The following TNFRSF19 variants were observed in gnomAD, a reference collection of about 807,000 sequenced individuals.
TNFRSF19 encodes TNF receptor superfamily member 19, also known as tumor necrosis factor receptor superfamily member 19.
A neutral mutation model predicts 46.4 loss-of-function variants in TNFRSF19; 27 were observed. The ratio of observed to expected loss-of-function variants is 0.58; its 90% CI spans 0.43 to 0.80. The LOEUF (loss-of-function observed/expected upper bound fraction) is 0.80, where lower values mean the gene tolerates loss of function less well. TNFRSF19 is among the 30% of genes least tolerant of loss of function. The probability of loss-of-function intolerance (pLI) is 0.00; values close to 1 mark genes in which losing one functional copy is unlikely to be tolerated. For synonymous variants in TNFRSF19, 204 were observed against 205.0 expected (o/e 1.00, Z 0.04); for missense variants, 511 against 530.8 (o/e 0.96, Z 0.37).
At chr13:23,625,360 G>C (rs1242588064) in intron 4 of TNFRSF19, among the ~76,000 whole-genome samples, 1 of 92,640 alleles carries the variant, frequency 1.1e-5, no homozygotes, top group Non-Finnish European at 2.1e-5. Context: ...ACAGAGTCTT[G>C]CTCTTTTGCC....
intron 7 of TNFRSF19, among the ~76,000 whole-genome samples, chr13:23,666,912 AT>A (rs1951645170): frequency 1.3e-5 from 2 of 152,172 alleles, no homozygotes; most frequent in East Asian, 1.9e-4. Flanking sequence ...TAGTTTCATA[AT>A]TTTTTTCCTG....
chr13:23,615,676 T>A (rs1881228477), intron 3 of TNFRSF19, among the ~76,000 whole-genome samples, 191 bp from the exon 4 acceptor site: 1 of 152,220 alleles, frequency 6.6e-6, no homozygotes, highest in Admixed American at 6.5e-5. Context: ...GATGACTAAG[T>A]GGACTTACCA....
chr13:23,582,151 C>A (rs1279334474), intron 1 of TNFRSF19, among the ~76,000 whole-genome samples: 2 of 142,242 alleles, frequency 1.4e-5, no homozygotes, highest in Admixed American at 1.5e-4. Context: ...GAGGCCGAGG[C>A]GGGCGGATCA....
chr13:23,660,045 C>T (rs544038775), intron 6 of TNFRSF19, among the ~76,000 whole-genome samples: 1 of 152,174 alleles, frequency 6.6e-6, no homozygotes, highest in East Asian at 1.9e-4. Flanking sequence ...AAGTGACCTG[C>T]GCAGTTCAAA....
chr13:23,643,062 G>A lies in TNFRSF19; in HGVS notation c.446-15988G>A, dbSNP rs116998741. 9.3e-4 allele frequency among the ~76,000 whole-genome samples: 141 copies of A among 152,314 alleles called. 1 individual carries two copies. The highest frequency in any genetic ancestry group is 6.7e-3 in the East Asian group (35 of 5,192). On this transcript the variant is annotated intron_variant, in intron 5 of 9. Coordinates refer to ENST00000248484, the MANE Select transcript of TNFRSF19 (RefSeq NM_148957.4). Reference sequence around the variant, plus strand: ...CTTTGTAATTAATTGTTGATATTGCGTTCTTACCTTTAACCCTTCGATCCA... The same window carrying A: ...CTTTGTAATTAATTGTTGATATTGCATTCTTACCTTTAACCCTTCGATCCA...
rs959821529 is a variant in TNFRSF19, at chr13:23,674,957, A to G, written c.*1577A>G. The G allele has an allele frequency of 1.3e-5, 2 of 152,160 alleles. No individual in the cohort carries two copies. Among genetic ancestry groups the G allele is most frequent in the Non-Finnish European group, 1.5e-5 (1 of 68,036 alleles). 9.4% of individuals were successfully genotyped at this position (152,160 alleles called of 1,614,324 possible). ...GTTTACTAGCTTGCCTGTGTCTGGTACATCTCATGACCTCAATTCCCTCAC... is the reference window on the plus strand; with the variant it reads ...GTTTACTAGCTTGCCTGTGTCTGGTGCATCTCATGACCTCAATTCCCTCAC... On this transcript the variant is annotated 3_prime_UTR_variant, in exon 10 of 10. Coordinates refer to ENST00000248484, the MANE Select transcript of TNFRSF19 (RefSeq NM_148957.4).
Position 23,669,037 on chromosome 13 carries a change from A to G in TNFRSF19, c.1185A>G (p.Arg395=). 2 of 1,614,214 alleles carry G rather than the reference A, an allele frequency of 1.2e-6. No homozygotes were observed. Among genetic ancestry groups the G allele is most frequent in the South Asian group, 1.1e-5 (1 of 91,082 alleles). ...CAACTCAGGATGCACTAACTATGAG[A>G]AGCCAGCTAGATCAGGAGAGTGGTG... The part of the protein sequence containing the change: ...SASTQDALTM[R]SQLDQESGAV... The change falls in exon 9 of 10, where the codon AGA becomes AGG. Residue 395 remains arginine, a synonymous_variant. Coordinates refer to ENST00000248484, the MANE Select transcript of TNFRSF19 (RefSeq NM_148957.4).
At position 23,630,302 on chromosome 13, in the gene TNFRSF19, T is replaced by TAAAA. The variant is rs33960618; in HGVS notation, c.445+3529_445+3532dup. On this transcript the variant is annotated intron_variant, in intron 5 of 9. Transcript: ENST00000248484. ...TGAACAACAGAGTAAGACCCTGTCT[T>TAAAA]AAAAAAAAAAAAAAAAAAAAAAGGG... 8.8e-4 allele frequency among the ~76,000 whole-genome samples: 79 copies of TAAAA among 89,702 alleles called. 2 individuals carry two copies. In the East Asian group the frequency reaches 0.019, roughly 22 times the overall value. The allele number at this position is 89,702 out of a possible 152,430, so 58.8% of individuals were successfully genotyped here.
chr13:23,606,743 C>T (rs1404600199), intron 3 of TNFRSF19, among the ~76,000 whole-genome samples: 5 of 152,210 alleles, frequency 3.3e-5, no homozygotes, highest in Non-Finnish European at 1.5e-5. Context: ...TGCTCATGCT[C>T]TAACATACAA....
At chr13:23,602,247 A>G (rs2138213716) in intron 3 of TNFRSF19, among the ~76,000 whole-genome samples, 1 of 152,304 alleles carries the variant, frequency 6.6e-6, no homozygotes, top group South Asian at 2.1e-4. Context: ...CAGACTTCAA[A>G]GCAAAGACAG....
At chr13:23,601,576 A>C (rs1363079150) in intron 3 of TNFRSF19, among the ~76,000 whole-genome samples, 1 of 152,190 alleles carries the variant, frequency 6.6e-6, no homozygotes, top group African/African-American at 2.4e-5. Flanking sequence ...TAAAATAAAA[A>C]CTTTAATTTT....
intron 3 of TNFRSF19, among the ~76,000 whole-genome samples, chr13:23,599,708 A>AT (rs1401138901): frequency 1.3e-5 from 2 of 152,236 alleles, no homozygotes; most frequent in Non-Finnish European, 2.9e-5. Flanking sequence ...TATCATGCAG[A>AT]TGAAGCCTCC....
intron 5 of TNFRSF19, among the ~76,000 whole-genome samples, chr13:23,658,329 G>A (rs983608701): frequency 6.6e-6 from 1 of 152,150 alleles, no homozygotes; most frequent in African/African-American, 2.4e-5. Flanking sequence ...TCCAGTCAGT[G>A]TCTCAAGGTC....
chr13:23,603,024 CAG>C (rs1378870940), intron 3 of TNFRSF19, among the ~76,000 whole-genome samples: 3 of 151,810 alleles, frequency 2.0e-5, no homozygotes, highest in Non-Finnish European at 4.4e-5. Flanking sequence ...AAATTAAAAA[CAG>C]AAACTCTGGA....
chr13:23,675,962 A>G lies in TNFRSF19; in HGVS notation c.*2582A>G, dbSNP rs1951824197. On this transcript the variant is annotated 3_prime_UTR_variant, in exon 10 of 10. Transcript: ENST00000248484. ...GAAAGGAAAACCATCATTGCTTTAT[A>G]GTAGCTTATATCAATTTAGATTTCA... 1 of 152,252 alleles carries G rather than the reference A, an allele frequency of 6.6e-6. No individual in the cohort carries two copies. Among genetic ancestry groups the G allele is most frequent in the South Asian group, 2.1e-4 (1 of 4,834 alleles). 9.4% of individuals were successfully genotyped at this position (152,252 alleles called of 1,614,324 possible).
At chr13:23,661,418 ACATTTTCTTTATCCAGT>A (rs1295053781) in intron 7 of TNFRSF19, among the ~76,000 whole-genome samples, 15 of 152,354 alleles carry the variant, frequency 9.8e-5, no homozygotes, top group African/African-American at 3.6e-4. Context: ...TATATATGCC[ACATTTTCTTTATCCAGT>A]CTGTAATTGA....
At chr13:23,663,528 C>A (rs914106192) in intron 7 of TNFRSF19, among the ~76,000 whole-genome samples, 1 of 152,106 alleles carries the variant, frequency 6.6e-6, no homozygotes, top group South Asian at 2.1e-4. Context: ...ATGCTGGCCT[C>A]ATAGAATGAG....
At chr13:23,586,268 A>AG (rs1878829131) in intron 1 of TNFRSF19, among the ~76,000 whole-genome samples, 1 of 151,698 alleles carries the variant, frequency 6.6e-6, no homozygotes, top group East Asian at 1.9e-4. Context: ...AAAAAAAAAA[A>AG]AAAAAAAAGA....
intron 7 of TNFRSF19, among the ~76,000 whole-genome samples, chr13:23,665,453 G>A (rs1321645584): frequency 6.6e-6 from 1 of 152,054 alleles, no homozygotes; most frequent in Non-Finnish European, 1.5e-5. Flanking sequence ...CCTCCTTAAT[G>A]GCAGATACTT....
Sources: allele counts gnomAD v4.1 joint callset (sites outside exome capture counted in the v4.1 genomes callset), GRCh38; gene constraint gnomAD v4.1.1; transcripts MANE v1.5; gene names NCBI Gene and HGNC (gene_info 2026-07-23, HGNC 2026-07-21).